KATNIP: variants seen among roughly 807,000 people sequenced by gnomAD.
KATNIP encodes katanin-interacting protein.
KATNIP carries 126 observed loss-of-function variants against 174.0 expected under a neutral mutation model. The observed-to-expected ratio is 0.72, with a 90% confidence interval of 0.63 to 0.84. The LOEUF is 0.84. Ranked by LOEUF, KATNIP falls within the 40% of genes least tolerant of loss-of-function variation. The probability of loss-of-function intolerance (pLI) is 0.00; values close to 1 mark genes in which losing one functional copy is unlikely to be tolerated. For missense variants in KATNIP, 1,958 were observed against 2,109.7 expected (o/e 0.93, Z 1.41); for synonymous variants, 810 against 835.7 (o/e 0.97, Z 0.53).
chr16:27,573,957 G>A lies in KATNIP; in HGVS notation c.63+1G>A. ...GTCCTGCTCACGAGAGAAAAAGGAGGTAAATGTGTCCCTGGCGAGGGCTGA... is the reference window on the plus strand; with the variant it reads ...GTCCTGCTCACGAGAGAAAAAGGAGATAAATGTGTCCCTGGCGAGGGCTGA... On this transcript the variant is annotated splice_donor_variant, in intron 2 of 27. Transcript: ENST00000261588. LOFTEE classifies it high-confidence loss of function. 1 of 1,614,032 alleles carries A rather than the reference G, an allele frequency of 6.2e-7. No individual in the cohort carries two copies. Among genetic ancestry groups the A allele is most frequent in the Non-Finnish European group, 8.5e-7 (1 of 1,179,906 alleles).
intron 14 of KATNIP, among the ~76,000 whole-genome samples, chr16:27,737,069 A>AG (rs1312957771): frequency 2.6e-5 from 4 of 152,282 alleles, no homozygotes; most frequent in Non-Finnish European, 4.4e-5. Context: ...GTGTGGAGAA[A>AG]GTGATTTCAG....
intron 17 of KATNIP, among the ~76,000 whole-genome samples, chr16:27,753,762 C>T (rs2081607122): frequency 7.3e-6 from 1 of 137,602 alleles, no homozygotes; most frequent in Admixed American, 7.2e-5. Flanking sequence ...TCCTTCTTTT[C>T]CTCCTTCCCT....
At chr16:27,615,652 C>A (rs2076018502) in intron 2 of KATNIP, among the ~76,000 whole-genome samples, 1 of 152,020 alleles carries the variant, frequency 6.6e-6, no homozygotes, top group South Asian at 2.1e-4. Flanking sequence ...CTGTGCCCGG[C>A]CTGTAGTGGG....
At chr16:27,688,902 C>A (rs1043441011) in intron 8 of KATNIP, among the ~76,000 whole-genome samples, 3 of 152,162 alleles carry the variant, frequency 2.0e-5, no homozygotes, top group African/African-American at 4.8e-5. Context: ...CTCCCTCCTC[C>A]ATGGTCAGGG....
chr16:27,629,329 G>T (rs900114472), intron 4 of KATNIP, among the ~76,000 whole-genome samples: 31 of 152,188 alleles, frequency 2.0e-4, no homozygotes, highest in African/African-American at 7.5e-4. Flanking sequence ...TACTACCCCA[G>T]AGCAAAGGCA....
Position 27,677,878 on chromosome 16 carries a change from C to A in KATNIP, c.690C>A (p.Arg230=). Residue 230 remains arginine, a synonymous_variant, in exon 7 of 28, where the codon CGC becomes CGA. Transcript: ENST00000261588. ...TGGTGGGCCATCCCAGACATGACCG[C>A]CCTCCTTCCAGTGGCGACTGGACTC... is the stretch of plus-strand genomic sequence containing the variant. ...PALVGHPRHD[R]PPSSGDWTQK... 1 of 1,614,164 alleles carries A rather than the reference C, an allele frequency of 6.2e-7. No homozygotes were observed. The highest frequency in any genetic ancestry group is 8.5e-7 in the Non-Finnish European group (1 of 1,180,032).
At chr16:27,627,712 A>G (rs1483998304) in intron 3 of KATNIP, among the ~76,000 whole-genome samples, 1 of 152,258 alleles carries the variant, frequency 6.6e-6, no homozygotes, top group Non-Finnish European at 1.5e-5. Flanking sequence ...ATTATTTTTT[A>G]AAATTTAAAT....
At chr16:27,643,904 C>T (rs2076879186) in intron 5 of KATNIP, among the ~76,000 whole-genome samples, 1 of 152,066 alleles carries the variant, frequency 6.6e-6, no homozygotes, top group Non-Finnish European at 1.5e-5. Context: ...CCACCACCAC[C>T]ACCACCCCTT....
chr16:27,563,891 TAAAAAAAAA>T (rs58505514), intron 1 of KATNIP, among the ~76,000 whole-genome samples: 9 of 66,682 alleles, frequency 1.3e-4, no homozygotes, highest in Admixed American at 9.7e-4. Context: ...TCTAGTAAAT[TAAAAAAAAA>T]AAAAAAAAAA....
Position 27,699,574 on chromosome 16 carries a change from TGGA to T in KATNIP, c.1159_1161del (p.Glu387del), listed in dbSNP as rs1276710478. On this transcript the variant is annotated inframe_deletion, in exon 10 of 28. Transcript: ENST00000261588. ...CCAGCAAAACCATGGACCAGTCTGC[TGGA>T]GGAGAAGGAAGAGACCCTTGAGGTC... 3 of 1,614,198 alleles carry T rather than the reference TGGA, an allele frequency of 1.9e-6. No individual in the cohort carries two copies. Among genetic ancestry groups the T allele is most frequent in the East Asian group, 2.2e-5 (1 of 44,888 alleles).
At position 27,777,554 on chromosome 16, in the gene KATNIP, A is replaced by G; in HGVS notation, c.4552-56A>G. 5 of 1,526,280 alleles carry G rather than the reference A, an allele frequency of 3.3e-6. No homozygotes were observed. Among genetic ancestry groups the G allele is most frequent in the South Asian group, 2.5e-5 (2 of 79,010 alleles). The allele number at this position is 1,526,280 out of a possible 1,614,324, so 94.5% of individuals were successfully genotyped here. The stretch of plus-strand genomic sequence containing the variant: ...TCAGAGCAGTAACGCGTTCTGCCCA[A>G]GGTCAACGTGGGAGGGACGAGGGGG... On this transcript the variant is annotated intron_variant, in intron 25 of 27. Coordinates refer to ENST00000261588, the MANE Select transcript of KATNIP (RefSeq NM_015202.5). This position sits in a 1 kb window ranked among gnomAD's most constrained non-coding sequence, Gnocchi z 4.4.
At chr16:27,584,248 C>G (rs1029919595) in intron 2 of KATNIP, among the ~76,000 whole-genome samples, 1 of 151,974 alleles carries the variant, frequency 6.6e-6, no homozygotes, top group Admixed American at 6.6e-5. Context: ...AGAGTGAGCG[C>G]TCTCCAAGGC....
At chr16:27,581,765 C>T (rs931563699) in intron 2 of KATNIP, among the ~76,000 whole-genome samples, 2 of 152,138 alleles carry the variant, frequency 1.3e-5, no homozygotes, top group African/African-American at 4.8e-5. Context: ...CCCTGAGTCC[C>T]CAAAGTCCAC....
chr16:27,750,228 A>C lies in KATNIP; in HGVS notation c.3268A>C (p.Lys1090Gln). 6.2e-7 allele frequency: 1 copy of C among 1,614,072 alleles called. No homozygotes were observed. The highest frequency in any genetic ancestry group is 8.5e-7 in the Non-Finnish European group (1 of 1,180,028). Reference sequence around the variant, plus strand: ...TCGGATACATTCCTTCCGAGGCGTGAAGGACATCACAATGCTGTTAGACAC... The same window carrying C: ...TCGGATACATTCCTTCCGAGGCGTGCAGGACATCACAATGCTGTTAGACAC... ...KSRIHSFRGVKDITMLLDTQC... is the reference protein window; with the variant it reads ...KSRIHSFRGVQDITMLLDTQC... The change falls in exon 16 of 28, where the codon AAG (lysine) becomes CAG (glutamine). Residue 1090 changes from lysine (K) to glutamine (Q), a missense_variant. Coordinates refer to ENST00000261588, the MANE Select transcript of KATNIP (RefSeq NM_015202.5).
intron 1 of KATNIP, among the ~76,000 whole-genome samples, chr16:27,556,328 G>A (rs1486953091): frequency 1.3e-5 from 2 of 152,248 alleles, no homozygotes; most frequent in East Asian, 3.9e-4. Context: ...TACATTGGCA[G>A]TGTGTGTTTT....
intron 18 of KATNIP, among the ~76,000 whole-genome samples, chr16:27,756,905 A>G (rs1321726505): frequency 3.3e-5 from 5 of 152,118 alleles, no homozygotes; most frequent in Non-Finnish European, 7.4e-5. Flanking sequence ...CCCATTCAAC[A>G]CCATCCATGT....
rs1474622509 is a variant in KATNIP at position 27,769,957 on chromosome 16, G to C, written c.4072G>C (p.Ala1358Pro). The C allele has an allele frequency of 6.2e-7, 1 of 1,614,210 alleles. No individual in the cohort carries two copies. Among genetic ancestry groups the C allele is most frequent in the Non-Finnish European group, 8.5e-7 (1 of 1,180,032 alleles). Residue 1358 changes from alanine (A) to proline (P), a missense_variant, in exon 21 of 28, where the codon GCT (alanine) becomes CCT (proline). Physicochemically the swap from Ala to Pro is conservative, Grantham distance 27. Around this residue, in one of 3 missense-constraint regions of KATNIP, gnomAD observed 383 missense variants for 456.0 expected, o/e 0.84. Transcript: ENST00000261588. ...KGPGNCHFDF[A>P]QEILFVDYLR... ...GCCAGGCAACTGCCACTTTGATTTT[G>C]CTCAAGAAATCCTCTTCGTGGACTA...
chr16:27,617,939 G>T (rs1462795809), intron 2 of KATNIP, among the ~76,000 whole-genome samples: 2 of 151,962 alleles, frequency 1.3e-5, no homozygotes, highest in Non-Finnish European at 2.9e-5. Context: ...GGTCTCCCTA[G>T]GTTACCCAGG....
At chr16:27,693,923 G>A (rs539611427) in intron 8 of KATNIP, among the ~76,000 whole-genome samples, 2 of 152,268 alleles carry the variant, frequency 1.3e-5, no homozygotes, top group Middle Eastern at 3.4e-3. Context: ...GGAAAAAAAA[G>A]CATTTGGTAA....
Sources: gnomAD v4.1 joint callset for allele counts (sites outside exome capture counted in the v4.1 genomes callset) on GRCh38, gnomAD v4.1.1 for gene constraint, gnomAD v4.1.1 regional missense constraint, Gnocchi (gnomAD v3.1) non-coding constraint, MANE v1.5 for transcripts, NCBI Gene and HGNC (gene_info 2026-07-23, HGNC 2026-07-21) for gene names.